NR3C1: variants seen among roughly 807,000 people sequenced by gnomAD.
The protein encoded by NR3C1 is nuclear receptor subfamily 3 group C member 1.
A neutral mutation model predicts 74.0 loss-of-function variants in NR3C1; 14 were observed. That is an observed-to-expected ratio of 0.19 (90% CI 0.12 to 0.30). The LOEUF (loss-of-function observed/expected upper bound fraction) is 0.30. Among genes scored for constraint, NR3C1 ranks in the 10% least tolerant of loss-of-function variants. The probability of loss-of-function intolerance (pLI) is 1.00; values close to 1 mark genes in which losing one functional copy is unlikely to be tolerated. For missense variants in NR3C1, 695 were observed against 909.8 expected (o/e 0.76, Z 3.04); for synonymous variants, 308 against 332.5 (o/e 0.93, Z 0.80).
chr5:143,431,657 GTAAAATAAAA>G (rs199971249), intron 1 of NR3C1, among the ~76,000 whole-genome samples: 1 of 152,030 alleles, frequency 6.6e-6, no homozygotes, highest in Non-Finnish European at 1.5e-5. Flanking sequence ...AGAACTTAAA[GTAAAATAAAA>G]TAAAATAAAA....
chr5:143,367,305 C>CA (rs1833413678), intron 2 of NR3C1, among the ~76,000 whole-genome samples: 1 of 152,278 alleles, frequency 6.6e-6, no homozygotes, highest in Non-Finnish European at 1.5e-5. Flanking sequence ...AACCCCACAA[C>CA]AACACACTTA....
chr5:143,400,117 C>T lies in NR3C1; in HGVS notation c.723G>A (p.Ser241=), dbSNP rs774209262. Residue 241 remains serine (S), a synonymous_variant, in exon 2 of 9, where the codon TCG becomes TCA. Coordinates refer to ENST00000394464, the MANE Select transcript of NR3C1 (RefSeq NM_000176.3). The stretch of plus-strand genomic sequence containing the variant: ...AAATGAGAGGCTTGCAGTCCTCATT[C>T]GAGTTTCCTTCCAAAAGGAATGAAT... The part of the protein sequence containing the change: ...EDDSFLLEGN[S]NEDCKPLILP... 1.9e-6 allele frequency: 3 copies of T among 1,614,074 alleles called. No homozygotes were observed. Among genetic ancestry groups the T allele is most frequent in the African/African-American group, 1.3e-5 (1 of 74,924 alleles).
chr5:143,331,483 G>A (rs1271737231), intron 2 of NR3C1, among the ~76,000 whole-genome samples: 1 of 152,134 alleles, frequency 6.6e-6, no homozygotes, highest in Non-Finnish European at 1.5e-5. Context: ...GCATGCATGT[G>A]TATGTTCACT....
chr5:143,398,997 T>C (rs1278804600), intron 2 of NR3C1, among the ~76,000 whole-genome samples: 3 of 152,196 alleles, frequency 2.0e-5, no homozygotes, highest in Non-Finnish European at 4.4e-5. Context: ...CCAATTCCTC[T>C]CTTAAAGAGA....
rs532097892 is a variant in NR3C1, at chr5:143,326,501, T to C, written c.1185-12333A>G. On this transcript the variant is annotated intron_variant, in intron 2 of 8. Transcript: ENST00000394464. The stretch of plus-strand genomic sequence containing the variant: ...TATTAAGATAATGTCATGCTGGTCA[T>C]TGAAATGCTAAATTAACATGAAGAC... Among the ~76,000 whole-genome samples the C allele has an allele frequency of 3.9e-5, 6 of 152,352 alleles. 1 individual carries two copies. Among genetic ancestry groups the C allele is most frequent in the East Asian group, 3.9e-4 (2 of 5,194 alleles).
chr5:143,435,379 T>C (rs1752057578), exon 1 of NR3C1: 1 of 985,334 alleles, frequency 1.0e-6, no homozygotes, highest in African/African-American at 1.7e-5. Context: ...CGTGTTGCAA[T>C]TTCCCCAGCA....
chr5:143,338,159 C>CA (rs35302985), intron 2 of NR3C1, among the ~76,000 whole-genome samples: 19,613 of 152,184 alleles, frequency 0.13, 1,451 homozygotes, highest in Middle Eastern at 0.28. Flanking sequence ...TAATACAACA[C>CA]CATGCTTATG....
intron 2 of NR3C1, among the ~76,000 whole-genome samples, chr5:143,334,786 T>G (rs1157362008): frequency 2.0e-5 from 3 of 152,016 alleles, no homozygotes; most frequent in African/African-American, 7.2e-5. Context: ...TCTTTTAAAT[T>G]ACATTGGAAG....
At chr5:143,362,654 T>C (rs1054116652) in intron 2 of NR3C1, among the ~76,000 whole-genome samples, 24 of 152,178 alleles carry the variant, frequency 1.6e-4, no homozygotes, top group African/African-American at 5.8e-4. Flanking sequence ...AGCCACTGTA[T>C]CCAGCCAAAG....
intron 2 of NR3C1, among the ~76,000 whole-genome samples, chr5:143,376,854 C>T (rs1835294836): frequency 6.6e-6 from 1 of 152,122 alleles, no homozygotes; most frequent in African/African-American, 2.4e-5. Context: ...CCATCTGTGA[C>T]TTAAGGGTAT....
Position 143,350,259 on chromosome 5 carries a change from G to A in NR3C1, c.1185-36091C>T, listed in dbSNP as rs570376026. Among the ~76,000 whole-genome samples, 96 of 152,300 alleles carry A rather than the reference G, an allele frequency of 6.3e-4. 1 individual carries two copies. The highest frequency in any genetic ancestry group is 1.0e-3 in the Non-Finnish European group (71 of 68,006). ...TAGATTGAAGATGACAAGGGAGCCA[G>A]TCAAGATGATGATGCAGTCATCCAG... On this transcript the variant is annotated intron_variant, in intron 2 of 8. Coordinates refer to ENST00000394464, the MANE Select transcript of NR3C1 (RefSeq NM_000176.3).
At position 143,300,985 on chromosome 5, in the gene NR3C1, T is replaced by C. The variant is rs1429084297; in HGVS notation, c.1469-222A>G. Reference sequence around the variant, plus strand: ...ATTCCCAATTAATTTTGCCTACAAATAGGCCAGAAACTTCATTAGAGTTAT... The same window carrying C: ...ATTCCCAATTAATTTTGCCTACAAACAGGCCAGAAACTTCATTAGAGTTAT... On this transcript the variant is annotated intron_variant, in intron 4 of 8. Transcript: ENST00000394464. This position sits in a 1 kb window ranked among gnomAD's most constrained non-coding sequence, Gnocchi z 5.2. Among the ~76,000 whole-genome samples, 1 of 152,038 alleles carries C rather than the reference T, an allele frequency of 6.6e-6. No individual in the cohort carries two copies. The highest frequency in any genetic ancestry group is 1.5e-5 in the Non-Finnish European group (1 of 67,994).
At chr5:143,346,995 T>C (rs1829409365) in intron 2 of NR3C1, among the ~76,000 whole-genome samples, 1 of 152,226 alleles carries the variant, frequency 6.6e-6, no homozygotes, top group African/African-American at 2.4e-5. Context: ...CAGGCTTTAG[T>C]ACACAGCACT....
intron 1 of NR3C1, among the ~76,000 whole-genome samples, chr5:143,427,325 A>G (rs4912910): frequency 0.56 from 85,595 of 151,824 alleles, 25,428 homozygotes; most frequent in Non-Finnish European, 0.67. Flanking sequence ...AGTATGTGGG[A>G]ATGATTAGTC....
intron 7 of NR3C1, among the ~76,000 whole-genome samples, chr5:143,290,154 T>G (rs1815517090): frequency 6.6e-6 from 1 of 152,256 alleles, no homozygotes. Context: ...AAGGAGTATT[T>G]TGCCTTAACA....
At chr5:143,290,444 T>C (rs752394129) in intron 7 of NR3C1, among the ~76,000 whole-genome samples, 1 of 152,264 alleles carries the variant, frequency 6.6e-6, no homozygotes, top group African/African-American at 2.4e-5. Context: ...GGTTATACTA[T>C]GCAAAGTAGA....
chr5:143,363,897 TCA>T (rs1165407090), intron 2 of NR3C1, among the ~76,000 whole-genome samples: 1 of 151,940 alleles, frequency 6.6e-6, no homozygotes, highest in Non-Finnish European at 1.5e-5. Flanking sequence ...GGACAGAGTC[TCA>T]GAGACTTCTG....
intron 2 of NR3C1, among the ~76,000 whole-genome samples, chr5:143,363,329 CAG>C (rs928286163): frequency 5.6e-4 from 86 of 152,232 alleles, no homozygotes; most frequent in African/African-American, 2.0e-3. Flanking sequence ...GTCTGACTGC[CAG>C]AGTTGTTACA....
chr5:143,295,233 T>C, intron 7 of NR3C1: 4 of 985,352 alleles, frequency 4.1e-6, no homozygotes, highest in Non-Finnish European at 4.8e-6. Context: ...CAGAGATCCC[T>C]ATGCAGCTCA....
Sources: gnomAD v4.1 joint callset for allele counts (sites outside exome capture counted in the v4.1 genomes callset) on GRCh38, gnomAD v4.1.1 for gene constraint, Gnocchi (gnomAD v3.1) non-coding constraint, MANE v1.5 for transcripts, NCBI Gene and HGNC (gene_info 2026-07-23, HGNC 2026-07-21) for gene names.